DDX60L: variants seen among roughly 807,000 people sequenced by gnomAD.
The protein encoded by DDX60L is probable ATP-dependent RNA helicase DDX60-like.
In DDX60L, 191 loss-of-function variants were observed where a neutral mutation model predicts 211.6. The ratio of observed to expected loss-of-function variants is 0.90; its 90% CI spans 0.80 to 1.02. The LOEUF is 1.02. Among genes scored for constraint, DDX60L ranks in the 50% least tolerant of loss-of-function variants. The pLI is 0.00. For missense variants in DDX60L, 2,007 were observed against 1,984.1 expected (o/e 1.01, Z -0.22); for synonymous variants, 706 against 694.1 (o/e 1.02, Z -0.27).
chr4:168,398,297 G>C (rs999133434), intron 26 of DDX60L, among the ~76,000 whole-genome samples: 1 of 152,202 alleles, frequency 6.6e-6, no homozygotes, highest in African/African-American at 2.4e-5. Context: ...GCCAAGCCTA[G>C]GTGCTGTCAC....
rs752966427 is a variant in DDX60L at position 168,394,605 on chromosome 4, C to T, written c.3670G>A (p.Val1224Ile). 1 of 1,600,552 alleles carries T rather than the reference C, an allele frequency of 6.2e-7. No individual in the cohort carries two copies. The highest frequency in any genetic ancestry group is 8.5e-7 in the Non-Finnish European group (1 of 1,176,612). ...CTTGTAAATCGCACTCGCGGTAATA[C>T]CCTCTCCAAAGTCTAAAACAAGAAA... ...TRNKDSTLER[V>I]LPRVRFTRHG... is the part of the protein sequence containing the mutation. The change falls in exon 28 of 38, where the codon GTA becomes ATA. Residue 1224 changes from valine (V) to isoleucine (I), a missense_variant. By Grantham distance (29) the Val-to-Ile change is conservative. Transcript: ENST00000682922.
At chr4:168,416,319 T>C (rs1561023555) in intron 20 of DDX60L, among the ~76,000 whole-genome samples, 1 of 152,208 alleles carries the variant, frequency 6.6e-6, no homozygotes, top group African/African-American at 2.4e-5. Context: ...TACTTGAAAA[T>C]TTTTAGAAAT....
At chr4:168,434,374 T>C (rs1003838672) in intron 10 of DDX60L, among the ~76,000 whole-genome samples, 1 of 152,188 alleles carries the variant, frequency 6.6e-6, no homozygotes, top group African/African-American at 2.4e-5. Flanking sequence ...TGACTTATCA[T>C]GTAAGACCTG....
At chr4:168,469,661 G>A (rs1352939610) in intron 4 of DDX60L, 3 of 152,004 alleles carry the variant, frequency 2.0e-5, no homozygotes, top group Non-Finnish European at 4.4e-5. Context: ...GGTAGATCAC[G>A]AGGTCCGGAG....
intron 30 of DDX60L, 72 bp downstream of exon 30, chr4:168,384,540 A>G: frequency 6.3e-7 from 1 of 1,575,040 alleles, no homozygotes; most frequent in South Asian, 1.1e-5. Context: ...CAGACTTCTA[A>G]AAGAGCAGCA....
At position 168,415,706 on chromosome 4, in the gene DDX60L, G is replaced by T. The variant is rs1055545052; in HGVS notation, c.2820C>A (p.Asn940Lys). ...TTTTATATGAATGGTCTTGGAGAAA[G>T]TTGAGACATTTGTCAGCCTGTTTTT... ...ISEKQADKCL[N>K]FLQDHSYKNQ... The change falls in exon 21 of 38, where the codon AAC becomes AAA. Residue 940 changes from asparagine to lysine, a missense_variant. Asn to Lys is a moderately conservative substitution (Grantham distance 94). Transcript: ENST00000682922. The T allele has an allele frequency of 6.2e-7, 1 of 1,604,544 alleles. No homozygotes were observed. Among genetic ancestry groups the T allele is most frequent in the Non-Finnish European group, 8.5e-7 (1 of 1,174,578 alleles).
intron 36 of DDX60L, among the ~76,000 whole-genome samples, chr4:168,364,478 G>T (rs1212314435): frequency 1.3e-5 from 2 of 152,102 alleles, no homozygotes; most frequent in Non-Finnish European, 2.9e-5. Flanking sequence ...TTTCAACAAT[G>T]AATGGGTCAT....
chr4:168,429,250 T>G (rs1436755965), intron 13 of DDX60L, among the ~76,000 whole-genome samples: 1 of 152,110 alleles, frequency 6.6e-6, no homozygotes, highest in Non-Finnish European at 1.5e-5. Flanking sequence ...GTTCAAGCAA[T>G]TGTCCTACCT....
intron 36 of DDX60L, 62 bp from the exon 37 acceptor site, chr4:168,361,273 C>T (rs1045421413): frequency 1.7e-6 from 2 of 1,157,840 alleles, no homozygotes; most frequent in Non-Finnish European, 2.5e-6. Context: ...AGAATTAACT[C>T]AAACTTTAAT....
Position 168,384,744 on chromosome 4 carries a change from C to G in DDX60L, c.3984G>C (p.Leu1328Phe). Residue 1328 changes from leucine to phenylalanine, a missense_variant, in exon 30 of 38, where the codon TTG becomes TTC. Transcript: ENST00000682922. ...ATGCAAGGAGTCTTTTTATTTTGGG[C>G]AATGGGATATCAAAGAAATACACAT... is the stretch of plus-strand genomic sequence containing the variant. ...LGNVYFFDIPLPKIKRLLASS... is the reference protein window; with the variant it reads ...LGNVYFFDIPFPKIKRLLASS... The G allele has an allele frequency of 6.2e-7, 1 of 1,613,646 alleles. No individual in the cohort carries two copies. Among genetic ancestry groups the G allele is most frequent in the Non-Finnish European group, 8.5e-7 (1 of 1,179,828 alleles).
chr4:168,433,329 T>C (rs1251075313), intron 10 of DDX60L, among the ~76,000 whole-genome samples: 1 of 152,118 alleles, frequency 6.6e-6, no homozygotes, highest in Non-Finnish European at 1.5e-5. Flanking sequence ...TACATATGTA[T>C]GTAGATGGTA....
At chr4:168,399,888 A>G (rs950373533) in intron 26 of DDX60L, among the ~76,000 whole-genome samples, 6 of 152,192 alleles carry the variant, frequency 3.9e-5, no homozygotes, top group Non-Finnish European at 5.9e-5. Flanking sequence ...TCAATGGTAC[A>G]TGTGCAGATT....
intron 10 of DDX60L, among the ~76,000 whole-genome samples, chr4:168,436,041 T>G (rs1752996057): frequency 6.6e-6 from 1 of 152,204 alleles, no homozygotes; most frequent in African/African-American, 2.4e-5. Context: ...AGGGTAGTTG[T>G]TGCATCTGGC....
rs55802834 is a variant in DDX60L at position 168,375,504 on chromosome 4, C to T, written c.4506G>A (p.Pro1502=). 6.2e-6 allele frequency: 10 copies of T among 1,609,878 alleles called. No individual in the cohort carries two copies. Among genetic ancestry groups the T allele is most frequent in the East Asian group, 4.5e-5 (2 of 44,718 alleles). ...SQSKVILAEL[P]EDFKAALYEY... Reference sequence around the variant, plus strand: ...CATATAAAGCAGCTTTAAAATCCTCCGGGAGTTCGGCAAGGATCACCTATG... The same window carrying T: ...CATATAAAGCAGCTTTAAAATCCTCTGGGAGTTCGGCAAGGATCACCTATG... Residue 1502 remains proline (P), a synonymous_variant, in exon 34 of 38, where the codon CCG becomes CCA. Coordinates refer to ENST00000682922, the MANE Select transcript of DDX60L (RefSeq NM_001012967.3).
intron 29 of DDX60L, among the ~76,000 whole-genome samples, chr4:168,385,461 T>C (rs1306576052): frequency 2.0e-5 from 3 of 152,180 alleles, no homozygotes; most frequent in Non-Finnish European, 4.4e-5. Context: ...TAAGTGTTTC[T>C]GAGTTCCATG....
intron 29 of DDX60L, among the ~76,000 whole-genome samples, chr4:168,385,707 C>T (rs12649101): frequency 0.75 from 113,348 of 152,004 alleles, 43,570 homozygotes; most frequent in East Asian, 0.87. Flanking sequence ...AATCCCCACA[C>T]ATTTGGTCAC....
intron 30 of DDX60L, among the ~76,000 whole-genome samples, chr4:168,384,252 G>C (rs1421385208): frequency 1.3e-5 from 2 of 152,130 alleles, no homozygotes; most frequent in Non-Finnish European, 2.9e-5. Flanking sequence ...CCCTAATACA[G>C]TGGGTGGATT....
intron 36 of DDX60L, among the ~76,000 whole-genome samples, chr4:168,369,466 C>G (rs925913242): frequency 4.2e-5 from 5 of 119,928 alleles, no homozygotes; most frequent in African/African-American, 1.6e-4. Flanking sequence ...CAAACTAATA[C>G]AGCCATTTAA....
In DDX60L at chr4:168,358,213, C is replaced by T. The variant is rs11736382; in HGVS notation, c.5055G>A (p.Leu1685=). The T allele has an allele frequency of 0.061, 98,420 of 1,605,766 alleles. 3,418 individuals are homozygous for T. Among genetic ancestry groups the T allele is most frequent in the Middle Eastern group, 0.075 (451 of 6,034 alleles). ...RDNVVLAFKQ[L]SQTFYEKLQE... is the part of the protein sequence containing the mutation. ...GAAGTTTCTCATAAAAGGTTTGACT[C>T]AATTGTTTAAATGCCAGGACTACAT... Residue 1685 remains leucine, a synonymous_variant, in exon 38 of 38, where the codon TTG becomes TTA. Coordinates refer to ENST00000682922, the MANE Select transcript of DDX60L (RefSeq NM_001012967.3).
Sources: allele counts gnomAD v4.1 joint callset (sites outside exome capture counted in the v4.1 genomes callset), GRCh38; gene constraint gnomAD v4.1.1; transcripts MANE v1.5; gene names NCBI Gene and HGNC (gene_info 2026-07-23, HGNC 2026-07-21).